Variants in SYTL2 observed in about 807,000 individuals in gnomAD.
SYTL2 encodes synaptotagmin-like protein 2.
A neutral mutation model predicts 198.7 loss-of-function variants in SYTL2; 165 were observed. The observed-to-expected ratio is 0.83, with a 90% CI of 0.73 to 0.94. The LOEUF is 0.94. SYTL2 is among the 40% of genes least tolerant of loss of function. The pLI, the probability that SYTL2 is intolerant of heterozygous loss-of-function variation, is 0.00. For missense variants in SYTL2, 2,835 were observed against 2,582.8 expected (o/e 1.10, Z -2.12); for synonymous variants, 966 against 917.7 (o/e 1.05, Z -0.95).
At chr11:85,728,810 C>G (rs2089507769) in intron 7 of SYTL2, among the ~76,000 whole-genome samples, 2 of 152,088 alleles carry the variant, frequency 1.3e-5, no homozygotes, top group South Asian at 4.1e-4. Context: ...ATTTTATCCA[C>G]AATATTTAAA....
Position 85,734,821 on chromosome 11 carries a change from T to A in SYTL2, c.587-79A>T, listed in dbSNP as rs1410080928. 4 of 1,042,052 alleles carry A rather than the reference T, an allele frequency of 3.8e-6. No individual in the cohort carries two copies. The Admixed American group carries it at 7.8e-5, about 20-fold the overall frequency. 64.6% of individuals were successfully genotyped at this position (1,042,052 alleles called of 1,614,324 possible). A position where few individuals can be genotyped will look rare whatever the true frequency, so the allele number is the denominator to read the frequency against. The stretch of plus-strand genomic sequence containing the variant: ...TAAAATACCTGTCATAAACTTAACC[T>A]ACACTTAGTGAAACTATTAAAATAT... On this transcript the variant is annotated intron_variant, in intron 6 of 19. Coordinates refer to ENST00000359152, the MANE Select transcript of SYTL2 (RefSeq NM_206927.4).
chr11:85,783,332 T>C (rs116468712), intron 1 of SYTL2, among the ~76,000 whole-genome samples: 4,509 of 152,148 alleles, frequency 0.03, 102 homozygotes, highest in Admixed American at 0.055. Context: ...AATAGCAGCA[T>C]AGAGGTAACC....
the SYTL2 span, among the ~76,000 whole-genome samples, chr11:85,846,287 G>A: frequency 9.0e-3 from 1,367 of 152,272 alleles, 22 homozygotes; most frequent in African/African-American, 0.032. Flanking sequence ...AGCCTCAGAA[G>A]TAACACAGAG....
At chr11:85,833,011 A>AAAGAAAG in the SYTL2 span, among the ~76,000 whole-genome samples, 1 of 48,150 alleles carries the variant, frequency 2.1e-5, no homozygotes, top group Non-Finnish European at 3.9e-5. Flanking sequence ...AAAAAGAAAG[A>AAAGAAAG]AAAGAAAGAA....
intron 1 of SYTL2, among the ~76,000 whole-genome samples, chr11:85,788,699 C>T (rs2092675658): frequency 6.6e-6 from 1 of 151,754 alleles, no homozygotes; most frequent in Non-Finnish European, 1.5e-5. Flanking sequence ...GCTGCTCTGA[C>T]CTTAATTATC....
Position 85,734,142 on chromosome 11 carries a change from G to A in SYTL2, c.1187C>T (p.Ser396Leu), listed in dbSNP as rs1007879048. The A allele has an allele frequency of 2.6e-5, 42 of 1,614,082 alleles. No individual in the cohort carries two copies. The highest frequency in any genetic ancestry group is 3.4e-5 in the Non-Finnish European group (40 of 1,180,022). Residue 396 changes from serine (S) to leucine (L), a missense_variant, in exon 7 of 20, where the codon TCA becomes TTA. Coordinates refer to ENST00000359152, the MANE Select transcript of SYTL2 (RefSeq NM_206927.4). ...QYRKPSLFHQ[S>L]TSSPYVSKSE... Reference sequence around the variant, plus strand: ...TTTTGATACATATGGGCTTGAGGTTGATTGATGAAAAAGCGAAGGCTTTCT... The same window carrying A: ...TTTTGATACATATGGGCTTGAGGTTAATTGATGAAAAAGCGAAGGCTTTCT...
chr11:85,725,201 GGATA>G lies in SYTL2; in HGVS notation c.4153_4156del (p.Tyr1385GlnfsTer6). Reference sequence around the variant, plus strand: ...TCCAGGACCTACTTCCCTTCCAGCTGGATAACTTAACCATACTTCTCCACACAGC... The same window carrying G: ...TCCAGGACCTACTTCCCTTCCAGCTGACTTAACCATACTTCTCCACACAGC... On this transcript the variant is annotated frameshift_variant, in exon 8 of 20. Coordinates refer to ENST00000359152, the MANE Select transcript of SYTL2 (RefSeq NM_206927.4). LOFTEE classifies it high-confidence loss of function. 1.2e-6 allele frequency: 2 copies of G among 1,614,086 alleles called. No individual in the cohort carries two copies. The highest frequency in any genetic ancestry group is 1.7e-6 in the Non-Finnish European group (2 of 1,180,004).
At chr11:85,779,048 A>C (rs1034789120) in intron 1 of SYTL2, among the ~76,000 whole-genome samples, 12 of 152,070 alleles carry the variant, frequency 7.9e-5, no homozygotes, top group African/African-American at 2.9e-4. Context: ...ACTATACTAT[A>C]TATATTATAT....
chr11:85,746,640 T>A (rs1258980479), intron 3 of SYTL2, among the ~76,000 whole-genome samples: 1 of 152,170 alleles, frequency 6.6e-6, no homozygotes, highest in African/African-American at 2.4e-5. Flanking sequence ...CAAATACCCA[T>A]ATTCCAGGAG....
At chr11:85,698,731 G>C (rs1247077338) in intron 17 of SYTL2, among the ~76,000 whole-genome samples, 3 of 152,160 alleles carry the variant, frequency 2.0e-5, no homozygotes, top group Non-Finnish European at 4.4e-5. Flanking sequence ...TAGAGACAGA[G>C]TTTCGTCATG....
the SYTL2 span, among the ~76,000 whole-genome samples, chr11:85,851,181 A>G: frequency 5.3e-5 from 8 of 152,346 alleles, no homozygotes; most frequent in Admixed American, 5.2e-4. Flanking sequence ...TATAATAAAA[A>G]AAAAAGAGAA....
chr11:85,737,411 G>C (rs540758748), intron 5 of SYTL2, among the ~76,000 whole-genome samples, 164 bp downstream of exon 5: 1 of 152,302 alleles, frequency 6.6e-6, no homozygotes, highest in South Asian at 2.1e-4. Context: ...CACCATGAGA[G>C]TGACTTCTTA....
intron 1 of SYTL2, among the ~76,000 whole-genome samples, chr11:85,778,769 A>G (rs2092504886): frequency 1.3e-5 from 2 of 152,130 alleles, no homozygotes; most frequent in Admixed American, 1.3e-4. Flanking sequence ...TTAAGCTCAC[A>G]AGTTTGAGAC....
intron 1 of SYTL2, among the ~76,000 whole-genome samples, chr11:85,797,236 C>T (rs182161128): frequency 6.6e-6 from 1 of 152,352 alleles, no homozygotes; most frequent in Admixed American, 6.5e-5. Flanking sequence ...ACTAATAATA[C>T]TTCCTACCTT....
chr11:85,763,025 G>A (rs567473921), intron 1 of SYTL2, among the ~76,000 whole-genome samples: 1 of 152,202 alleles, frequency 6.6e-6, no homozygotes, highest in Admixed American at 6.5e-5. Context: ...ATAGCTCTAG[G>A]GCCCATAAAT....
At chr11:85,757,337 G>A (rs2091923466) in intron 2 of SYTL2, among the ~76,000 whole-genome samples, 1 of 152,048 alleles carries the variant, frequency 6.6e-6, no homozygotes, top group Non-Finnish European at 1.5e-5. Flanking sequence ...CACAAATGTA[G>A]ATGTATGTGG....
intron 1 of SYTL2, among the ~76,000 whole-genome samples, chr11:85,761,492 G>A (rs2092095420): frequency 6.6e-6 from 1 of 152,182 alleles, no homozygotes; most frequent in East Asian, 1.9e-4. Context: ...AAGGACACGG[G>A]TAAGACTGTA....
intron 4 of SYTL2, among the ~76,000 whole-genome samples, chr11:85,744,874 C>A (rs747513866): frequency 6.6e-6 from 1 of 152,170 alleles, no homozygotes; most frequent in Non-Finnish European, 1.5e-5. Flanking sequence ...AAAAACAAAT[C>A]ATTATGGCTC....
Position 85,727,668 on chromosome 11 carries a change from C to T in SYTL2, c.1690G>A (p.Asp564Asn). The T allele has an allele frequency of 1.9e-6, 3 of 1,538,936 alleles. No homozygotes were observed. Among genetic ancestry groups the T allele is most frequent in the South Asian group, 2.4e-5 (2 of 84,032 alleles). The change falls in exon 8 of 20, where the codon GAT becomes AAT. Residue 564 changes from aspartate (D) to asparagine (N), a missense_variant. Around this residue, in one of 3 missense-constraint regions of SYTL2, gnomAD observed 2,645 missense variants for 2,381.7 expected, o/e 1.11. Coordinates refer to ENST00000359152, the MANE Select transcript of SYTL2 (RefSeq NM_206927.4). ...KSQVAVDLVT[D>N]DTTLRENGSK... is the part of the protein sequence containing the mutation. ...CCATTTTCTCTTAAAGTAGTGTCAT[C>T]TGTCACCAAGTCAACAGCAACCTGT...
Sources: gnomAD v4.1 joint callset for allele counts (sites outside exome capture counted in the v4.1 genomes callset) on GRCh38, gnomAD v4.1.1 for gene constraint, gnomAD v4.1.1 regional missense constraint, MANE v1.5 for transcripts, NCBI Gene and HGNC (gene_info 2026-07-23, HGNC 2026-07-21) for gene names.